Variants in FNBP1 observed in about 807,000 individuals in gnomAD.
FNBP1 encodes the protein formin-binding protein 1.
A neutral mutation model predicts 90.6 loss-of-function variants in FNBP1; 26 were observed. The ratio of observed to expected loss-of-function variants is 0.29; its 90% CI spans 0.21 to 0.40. The LOEUF is 0.40. Ranked by LOEUF, FNBP1 falls within the 10% of genes least tolerant of loss-of-function variation. The pLI is 1.00. For missense variants in FNBP1, 635 were observed against 768.0 expected, an observed-to-expected ratio of 0.83 and a Z score of 2.05; for synonymous variants, 260 against 265.2, an observed-to-expected ratio of 0.98 and a Z score of 0.19.
chr9:130,002,957 C>A (rs193041477), intron 1 of FNBP1, among the ~76,000 whole-genome samples: 1 of 152,076 alleles, frequency 6.6e-6, no homozygotes, highest in African/African-American at 2.4e-5. Context: ...AGTTATGAGA[C>A]GCTGAATAAA....
chr9:130,049,463 C>T, the FNBP1 span, among the ~76,000 whole-genome samples: 1 of 152,066 alleles, frequency 6.6e-6, no homozygotes, highest in Admixed American at 6.6e-5. Flanking sequence ...CCTATAATCC[C>T]AGCACTTTGG....
At chr9:130,045,482 T>C (rs1648411046), upstream of FNBP1, among the ~76,000 whole-genome samples, 1 of 152,028 alleles carries the variant, frequency 6.6e-6, no homozygotes, top group African/African-American at 2.4e-5. Flanking sequence ...AATCAAGAAG[T>C]AAAACAACCT....
In FNBP1 at chr9:129,888,498, C is replaced by G. The variant is rs547152863; in HGVS notation, c.*2041G>C. 4.3e-6 allele frequency: 1 copy of G among 232,722 alleles called. No homozygotes were observed. The highest frequency in any genetic ancestry group is 8.5e-6 in the Non-Finnish European group (1 of 117,812). 14.4% of individuals were successfully genotyped at this position (232,722 alleles called of 1,614,324 possible). ...CCCTGTGTCATCCGGGCTTGTCTTT[C>G]GTCTGTCAAGTCAGTCCTCCTGCGT... On this transcript the variant is annotated 3_prime_UTR_variant, in exon 17 of 17. Coordinates refer to ENST00000446176, the MANE Select transcript of FNBP1 (RefSeq NM_015033.3).
chr9:129,972,016 T>A (rs1248231412), intron 4 of FNBP1, among the ~76,000 whole-genome samples: 1 of 152,190 alleles, frequency 6.6e-6, no homozygotes, highest in South Asian at 2.1e-4. Flanking sequence ...GTGCTGATGG[T>A]TAAGGATGGT....
chr9:130,013,968 A>T, intron 1 of FNBP1: 2 of 455,596 alleles, frequency 4.4e-6, no homozygotes, highest in South Asian at 3.1e-5. Flanking sequence ...TACTGTTTAT[A>T]AATTACCCAG....
chr9:129,999,598 C>CAA (rs58536126), intron 1 of FNBP1, among the ~76,000 whole-genome samples: 1 of 108,658 alleles, frequency 9.2e-6, no homozygotes, highest in African/African-American at 3.4e-5. Context: ...GACTCTGTCT[C>CAA]AAAAAAAAAA....
At chr9:129,952,227 C>T (rs554777940) in intron 6 of FNBP1, among the ~76,000 whole-genome samples, 10 of 150,824 alleles carry the variant, frequency 6.6e-5, no homozygotes, top group Middle Eastern at 3.5e-3. Context: ...AGGCCAGGTG[C>T]GGTGGCTCAT....
rs1249133611 is a variant in FNBP1 at position 129,932,552 on chromosome 9, G to C, written c.514-2857C>G. ...ACACGTGAACACTTCCCAAATGAAG[G>C]TAACAATATCAGTATTTCCAAACAC... is the stretch of plus-strand genomic sequence containing the variant. On this transcript the variant is annotated intron_variant, in intron 6 of 16. Coordinates refer to ENST00000446176, the MANE Select transcript of FNBP1 (RefSeq NM_015033.3). 2.0e-5 allele frequency among the ~76,000 whole-genome samples: 3 copies of C among 152,110 alleles called. No homozygotes were observed. In the East Asian group the frequency reaches 5.8e-4, roughly 29 times the overall value.
chr9:129,990,820 A>G (rs1201991025), intron 2 of FNBP1, among the ~76,000 whole-genome samples: 2 of 152,122 alleles, frequency 1.3e-5, no homozygotes, highest in South Asian at 4.1e-4. Flanking sequence ...GGTGATAACA[A>G]GTGTCAGATC....
chr9:129,986,175 T>C (rs945697029), intron 2 of FNBP1, among the ~76,000 whole-genome samples: 1 of 151,758 alleles, frequency 6.6e-6, no homozygotes. Flanking sequence ...AAGTGAAAGA[T>C]ATGACAGGTA....
At chr9:129,972,879 A>C (rs933113810) in intron 4 of FNBP1, among the ~76,000 whole-genome samples, 2 of 152,180 alleles carry the variant, frequency 1.3e-5, no homozygotes, top group Non-Finnish European at 2.9e-5. Context: ...GCATTAAGTA[A>C]CAGAATGATT....
intron 6 of FNBP1, among the ~76,000 whole-genome samples, chr9:129,952,820 G>C (rs947871332): frequency 6.6e-6 from 1 of 152,152 alleles, no homozygotes; most frequent in East Asian, 1.9e-4. Context: ...CATTATCACT[G>C]TAATAGTTGT....
At chr9:129,992,178 G>A (rs553306106) in intron 2 of FNBP1, among the ~76,000 whole-genome samples, 8 of 152,218 alleles carry the variant, frequency 5.3e-5, no homozygotes, top group Non-Finnish European at 1.2e-4. Context: ...GGGAAGAGCA[G>A]GGGCCAGCAA....
chr9:129,926,167 T>C (rs1253428273), intron 8 of FNBP1, among the ~76,000 whole-genome samples: 2 of 152,050 alleles, frequency 1.3e-5, no homozygotes, highest in Non-Finnish European at 2.9e-5. Flanking sequence ...AGATGTGGTT[T>C]CACCATGTTG....
intron 1 of FNBP1, among the ~76,000 whole-genome samples, chr9:130,022,183 G>T (rs1019651243): frequency 6.6e-6 from 1 of 151,810 alleles, no homozygotes; most frequent in Non-Finnish European, 1.5e-5. Flanking sequence ...TTAATTTGAG[G>T]TGAAATTCAT....
chr9:129,958,319 C>G (rs763765919), intron 5 of FNBP1, among the ~76,000 whole-genome samples, 172 bp downstream of exon 5: 3 of 151,954 alleles, frequency 2.0e-5, no homozygotes, highest in African/African-American at 4.8e-5. Flanking sequence ...GTAATCTTAG[C>G]TACTTGGGAG....
intron 4 of FNBP1, among the ~76,000 whole-genome samples, chr9:129,961,673 C>A (rs1034332023): frequency 6.6e-6 from 1 of 152,040 alleles, no homozygotes; most frequent in Non-Finnish European, 1.5e-5. Context: ...TGACCTCTGC[C>A]TCCCGGGTTC....
intron 6 of FNBP1, among the ~76,000 whole-genome samples, chr9:129,930,249 T>C (rs2042541201): frequency 6.6e-6 from 1 of 151,752 alleles, no homozygotes; most frequent in Admixed American, 6.6e-5. Context: ...TTTTTGTAGA[T>C]AGGAGGTCTC....
At chr9:129,892,411 AC>A (rs879523690) in intron 16 of FNBP1, among the ~76,000 whole-genome samples, 3,317 of 132,626 alleles carry the variant, frequency 0.025, 61 homozygotes, top group South Asian at 0.048. Context: ...ACACACACAC[AC>A]ACACAAAAAG....
Sources: gnomAD v4.1 joint callset for allele counts (sites outside exome capture counted in the v4.1 genomes callset) on GRCh38, gnomAD v4.1.1 for gene constraint, MANE v1.5 for transcripts, NCBI Gene and HGNC (gene_info 2026-07-23, HGNC 2026-07-21) for gene names.